BAK1: variants seen among roughly 807,000 people sequenced by gnomAD.
BAK1 encodes bcl-2 homologous antagonist/killer.
A neutral mutation model predicts 24.7 loss-of-function variants in BAK1; 19 were observed. The ratio of observed to expected loss-of-function variants is 0.77; its 90% CI spans 0.54 to 1.13. The LOEUF (loss-of-function observed/expected upper bound fraction) is 1.13, where lower values mean the gene tolerates loss of function less well. Among genes scored for constraint, BAK1 ranks in the 50% most tolerant of loss-of-function variants. The pLI, the probability that BAK1 is intolerant of heterozygous loss-of-function variation, is 0.00. For missense variants in BAK1, 194 were observed against 279.4 expected (o/e 0.69, Z 2.18); for synonymous variants, 86 against 107.3 (o/e 0.80, Z 1.23).
At position 33,574,054 on chromosome 6, in the gene BAK1, T is replaced by C; in HGVS notation, c.511A>G (p.Ile171Val). The part of the protein sequence containing the change: ...FMLHHCIARW[I>V]AQRGGWVAAL... ...CTCACCCAGCCACCCCTCTGTGCAA[T>C]CCACCGGGCAATGCAGTGATGCAGC... is the stretch of plus-strand genomic sequence containing the variant. The change falls in exon 5 of 6, where the codon ATT becomes GTT. Residue 171 changes from isoleucine to valine, a missense_variant. Physicochemically the swap from Ile to Val is conservative, Grantham distance 29. Coordinates refer to ENST00000374467, the MANE Select transcript of BAK1 (RefSeq NM_001188.4). 1 of 1,614,076 alleles carries C rather than the reference T, an allele frequency of 6.2e-7. No homozygotes were observed.
At position 33,577,426 on chromosome 6, in the gene BAK1, C is replaced by G. The variant is rs512399; in HGVS notation, c.70+109G>C. 7.2e-4 allele frequency: 797 copies of G among 1,110,300 alleles called. 13 individuals are homozygous for G. In the African/African-American group the frequency reaches 0.012, roughly 16 times the overall value. The allele number at this position is 1,110,300 out of a possible 1,614,324, so 68.8% of individuals were successfully genotyped here. A position where few individuals can be genotyped will look rare whatever the true frequency, so the allele number is the denominator to read the frequency against. The stretch of plus-strand genomic sequence containing the variant: ...CGTGGGTGGGGAAGAGTATTCCCCA[C>G]CCACAGTGGGTGAACCGAGGCGAAG... On this transcript the variant is annotated intron_variant, in intron 2 of 5. Coordinates refer to ENST00000374467, the MANE Select transcript of BAK1 (RefSeq NM_001188.4). This position sits in a 1 kb window ranked among gnomAD's most constrained non-coding sequence, Gnocchi z 4.6.
chr6:33,575,985 C>T lies in BAK1; in HGVS notation c.71-57G>A. 3 of 1,606,560 alleles carry T rather than the reference C, an allele frequency of 1.9e-6. No homozygotes were observed. The highest frequency in any genetic ancestry group is 1.7e-5 in the Admixed American group (1 of 59,284). ...GGGCCGAACCCTGGCAGCCCCATGC[C>T]TTATAGGGGATTCACTCTTCCTAAG... is the stretch of plus-strand genomic sequence containing the variant. On this transcript the variant is annotated intron_variant, in intron 2 of 5. Coordinates refer to ENST00000374467, the MANE Select transcript of BAK1 (RefSeq NM_001188.4). The surrounding 1 kb of genome is among the most constrained non-coding windows in gnomAD (Gnocchi z 6.3).
chr6:33,577,414 G>T lies in BAK1; in HGVS notation c.70+121C>A, dbSNP rs1041202896. 2.5e-5 allele frequency: 23 copies of T among 938,764 alleles called. No individual in the cohort carries two copies. The highest frequency in any genetic ancestry group is 5.8e-5 in the South Asian group (3 of 51,296). The allele number at this position is 938,764 out of a possible 1,614,324, so 58.2% of individuals were successfully genotyped here. A position where few individuals can be genotyped will look rare whatever the true frequency, so the allele number is the denominator to read the frequency against. On this transcript the variant is annotated intron_variant, in intron 2 of 5. Coordinates refer to ENST00000374467, the MANE Select transcript of BAK1 (RefSeq NM_001188.4). The surrounding 1 kb of genome is among the most constrained non-coding windows in gnomAD (Gnocchi z 4.6). Reference sequence around the variant, plus strand: ...AGCCTCTGAGCCCGTGGGTGGGGAAGAGTATTCCCCACCCACAGTGGGTGA... The same window carrying T: ...AGCCTCTGAGCCCGTGGGTGGGGAATAGTATTCCCCACCCACAGTGGGTGA...
rs771133864 is a variant in BAK1, at chr6:33,574,073, A to T, written c.492T>A (p.His164Gln). Residue 164 changes from histidine (H) to glutamine (Q), a missense_variant, in exon 5 of 6, where the codon CAT (histidine) becomes CAA (glutamine). His to Gln is a conservative substitution (Grantham distance 24). Transcript: ENST00000374467. ...VTRFVVDFML[H>Q]HCIARWIAQR... is the part of the protein sequence containing the mutation. Reference sequence around the variant, plus strand: ...GTGCAATCCACCGGGCAATGCAGTGATGCAGCATGAAGTCGACCACGAAGC... The same window carrying T: ...GTGCAATCCACCGGGCAATGCAGTGTTGCAGCATGAAGTCGACCACGAAGC... 3.1e-6 allele frequency: 5 copies of T among 1,614,086 alleles called. No homozygotes were observed. In the Admixed American group the frequency reaches 6.7e-5, roughly 22 times the overall value.
chr6:33,579,069 T>A (rs1762893039), intron 1 of BAK1, among the ~76,000 whole-genome samples: 2 of 152,176 alleles, frequency 1.3e-5, no homozygotes, highest in South Asian at 4.1e-4. Flanking sequence ...CTTCCTCTCC[T>A]CCACCTCTAG....
At position 33,573,698 on chromosome 6, in the gene BAK1, C is replaced by T. The variant is rs959839194; in HGVS notation, c.*105G>A. The T allele has an allele frequency of 9.0e-6, 8 of 890,708 alleles. No homozygotes were observed. The highest frequency in any genetic ancestry group is 1.4e-5 in the Non-Finnish European group (8 of 568,468). 55.2% of individuals were successfully genotyped at this position (890,708 alleles called of 1,614,324 possible). The stretch of plus-strand genomic sequence containing the variant: ...CTGGAGTGCACACTTGCTAAAGCTT[C>T]TGTACTCTTGAGGGGGGACCCCTGC... On this transcript the variant is annotated 3_prime_UTR_variant, in exon 6 of 6. Transcript: ENST00000374467.
chr6:33,573,743 A>C lies in BAK1; in HGVS notation c.*60T>G, dbSNP rs183363282. The stretch of plus-strand genomic sequence containing the variant: ...CCCTGCAAGGGAACAGAGAAGGCAA[A>C]GACTTCGCTTAAGTCCAGGCAGGGG... On this transcript the variant is annotated 3_prime_UTR_variant, in exon 6 of 6. Transcript: ENST00000374467. 599 of 1,372,334 alleles carry C rather than the reference A, an allele frequency of 4.4e-4. 4 individuals are homozygous for C. In the Admixed American group the frequency reaches 0.01, roughly 24 times the overall value. 85.0% of individuals were successfully genotyped at this position (1,372,334 alleles called of 1,614,324 possible). A position where few individuals can be genotyped will look rare whatever the true frequency, so the allele number is the denominator to read the frequency against.
In BAK1 at chr6:33,573,383, C is replaced by T. The variant is rs1340971952; in HGVS notation, c.*420G>A. 1 of 188,136 alleles carries T rather than the reference C, an allele frequency of 5.3e-6. No individual in the cohort carries two copies. Among genetic ancestry groups the T allele is most frequent in the East Asian group, 1.3e-4 (1 of 7,834 alleles). 11.7% of individuals were successfully genotyped at this position (188,136 alleles called of 1,614,324 possible). A position where few individuals can be genotyped will look rare whatever the true frequency, so the allele number is the denominator to read the frequency against. On this transcript the variant is annotated 3_prime_UTR_variant, in exon 6 of 6. Transcript: ENST00000374467. ...TGGGGAACATAGACCCACCAATCCC[C>T]ACACCCCAGACGTCCTGGCCTCAGG...
rs1266206426 is a variant in BAK1, at chr6:33,574,059, CG to C, written c.505del (p.Arg169GlyfsTer13). 1.2e-6 allele frequency: 2 copies of C among 1,614,034 alleles called. No homozygotes were observed. The highest frequency in any genetic ancestry group is 1.3e-5 in the African/African-American group (1 of 74,928). ...VDFMLHHCIA[R>X]WIAQRGGWVA... ...CCAGCCACCCCTCTGTGCAATCCAC[CG>C]GGCAATGCAGTGATGCAGCATGAAG... is the stretch of plus-strand genomic sequence containing the variant. On this transcript the variant is annotated frameshift_variant, in exon 5 of 6. Transcript: ENST00000374467. LOFTEE classifies it low-confidence loss of function (END_TRUNC).
Position 33,574,024 on chromosome 6 carries a change from G to C in BAK1, c.531+10C>G. ...CAGCAGGGAGGACATTGCAGTCCTTGGATACTCACCCAGCCACCCCTCTGT... is the reference window on the plus strand; with the variant it reads ...CAGCAGGGAGGACATTGCAGTCCTTCGATACTCACCCAGCCACCCCTCTGT... On this transcript the variant is annotated intron_variant, in intron 5 of 5. Coordinates refer to ENST00000374467, the MANE Select transcript of BAK1 (RefSeq NM_001188.4). 6.2e-7 allele frequency: 1 copy of C among 1,613,636 alleles called. No homozygotes were observed. The highest frequency in any genetic ancestry group is 8.5e-7 in the Non-Finnish European group (1 of 1,179,598).
chr6:33,574,055 C>G lies in BAK1; in HGVS notation c.510G>C (p.Trp170Cys), dbSNP rs565780083. Reference protein sequence around the residue: ...DFMLHHCIARWIAQRGGWVAA... With the variant: ...DFMLHHCIARCIAQRGGWVAA... ...TCACCCAGCCACCCCTCTGTGCAATCCACCGGGCAATGCAGTGATGCAGCA... is the reference window on the plus strand; with the variant it reads ...TCACCCAGCCACCCCTCTGTGCAATGCACCGGGCAATGCAGTGATGCAGCA... Residue 170 changes from tryptophan to cysteine, a missense_variant, in exon 5 of 6, where the codon TGG (tryptophan) becomes TGC (cysteine). Transcript: ENST00000374467. 2 of 1,614,198 alleles carry G rather than the reference C, an allele frequency of 1.2e-6. No homozygotes were observed. The highest frequency in any genetic ancestry group is 2.2e-5 in the East Asian group (1 of 44,886).
At position 33,577,525 on chromosome 6, in the gene BAK1, A is replaced by G; in HGVS notation, c.70+10T>C. 1 of 1,542,108 alleles carries G rather than the reference A, an allele frequency of 6.5e-7. No individual in the cohort carries two copies. Among genetic ancestry groups the G allele is most frequent in the Non-Finnish European group, 8.8e-7 (1 of 1,141,292 alleles). ...TTATGGGATGGGTGAGGGGGCAGGAAGACCCTTACCAGAAGCAGAGGGCAG... is the reference window on the plus strand; with the variant it reads ...TTATGGGATGGGTGAGGGGGCAGGAGGACCCTTACCAGAAGCAGAGGGCAG... On this transcript the variant is annotated intron_variant, in intron 2 of 5. Transcript: ENST00000374467. This position sits in a 1 kb window ranked among gnomAD's most constrained non-coding sequence, Gnocchi z 4.6.
intron 4 of BAK1, 46 bp from the exon 5 acceptor site, chr6:33,574,260 G>A (rs769198228): frequency 2.5e-6 from 4 of 1,590,534 alleles, no homozygotes; most frequent in Non-Finnish European, 3.4e-6. Context: ...CCCCCAGGAA[G>A]CCCTTCAGCC....
At chr6:33,579,631 C>T (rs975704264) in intron 1 of BAK1, among the ~76,000 whole-genome samples, 4 of 152,246 alleles carry the variant, frequency 2.6e-5, no homozygotes, top group African/African-American at 7.2e-5. Flanking sequence ...CCACCCCCGA[C>T]TTCCTGGGCT....
At chr6:33,576,331 C>CA (rs11462912) in intron 2 of BAK1, among the ~76,000 whole-genome samples, 57,849 of 122,920 alleles carry the variant, frequency 0.47, 13,813 homozygotes, top group East Asian at 0.64. Flanking sequence ...AACTCTGTCT[C>CA]AAAAAAAAAA....
At position 33,580,137 on chromosome 6, in the gene BAK1, G is replaced by A. The variant is rs2151258771; in HGVS notation, c.-144C>T. ...AGTGGGAGCCCAGTTTCCAGGAATG[G>A]GCGTCAGTGCATTCCCGGCATCTGG... On this transcript the variant is annotated 5_prime_UTR_variant, in exon 1 of 6. Transcript: ENST00000374467. The A allele has an allele frequency of 1.3e-5, 2 of 152,470 alleles. No individual in the cohort carries two copies. The highest frequency in any genetic ancestry group is 3.8e-4 in the East Asian group (2 of 5,286). 9.4% of individuals were successfully genotyped at this position (152,470 alleles called of 1,614,324 possible).
In BAK1 at chr6:33,573,866, C is replaced by T. The variant is rs1762800785; in HGVS notation, c.573G>A (p.Val191=). The T allele has an allele frequency of 1.2e-6, 2 of 1,614,216 alleles. No homozygotes were observed. Among genetic ancestry groups the T allele is most frequent in the Non-Finnish European group, 1.7e-6 (2 of 1,180,022 alleles). ...LNLGNGPILN[V]LVVLGVVLLG... The stretch of plus-strand genomic sequence containing the variant: ...ACAGAACCACACCCAGAACCACCAG[C>T]ACGTTCAGGATGGGACCATTGCCCA... The change falls in exon 6 of 6, where the codon GTG becomes GTA. Residue 191 remains valine, a synonymous_variant. Transcript: ENST00000374467.
Position 33,573,793 on chromosome 6 carries a change from C to T in BAK1, c.*10G>A. 6.2e-7 allele frequency: 1 copy of T among 1,612,282 alleles called. No homozygotes were observed. Among genetic ancestry groups the T allele is most frequent in the Non-Finnish European group, 8.5e-7 (1 of 1,178,278 alleles). On this transcript the variant is annotated 3_prime_UTR_variant, in exon 6 of 6. Coordinates refer to ENST00000374467, the MANE Select transcript of BAK1 (RefSeq NM_001188.4). The stretch of plus-strand genomic sequence containing the variant: ...GTCTGAACCGGGACCCCAAAGGGCA[C>T]CCTTGGGAGTCATGATTTGAAGAAT...
intron 4 of BAK1, 105 bp from the exon 5 acceptor site, chr6:33,574,319 CTGTGAA>C (rs1762808295): frequency 2.8e-5 from 42 of 1,487,064 alleles, no homozygotes; most frequent in Non-Finnish European, 3.4e-5. Flanking sequence ...AATAGCTTAG[CTGTGAA>C]TTAAGGCCGC....
Sources: gnomAD v4.1 joint callset for allele counts (sites outside exome capture counted in the v4.1 genomes callset) on GRCh38, gnomAD v4.1.1 for gene constraint, Gnocchi (gnomAD v3.1) non-coding constraint, MANE v1.5 for transcripts, NCBI Gene and HGNC (gene_info 2026-07-23, HGNC 2026-07-21) for gene names.